The following MAST2 variants were observed in gnomAD, a reference collection of about 807,000 sequenced individuals.
MAST2 encodes the protein microtubule associated serine/threonine kinase 2, also known as microtubule-associated serine/threonine-protein kinase 2.
A neutral mutation model predicts 147.4 loss-of-function variants in MAST2; 70 were observed. The observed-to-expected ratio is 0.47, with a 90% CI of 0.39 to 0.58. The LOEUF (loss-of-function observed/expected upper bound fraction) is 0.58. Ranked by LOEUF, MAST2 falls within the 20% of genes least tolerant of loss-of-function variation. The probability of loss-of-function intolerance (pLI) is 0.00; values close to 1 mark genes in which losing one functional copy is unlikely to be tolerated. For missense variants in MAST2, 2,080 were observed against 2,302.3 expected, an observed-to-expected ratio of 0.90 and a Z score of 1.98; for synonymous variants, 869 against 896.8, an observed-to-expected ratio of 0.97 and a Z score of 0.55.
At chr1:45,846,171 A>T (rs1645428412) in intron 3 of MAST2, among the ~76,000 whole-genome samples, 1 of 152,164 alleles carries the variant, frequency 6.6e-6, no homozygotes, top group Non-Finnish European at 1.5e-5. Flanking sequence ...AATAATCTAT[A>T]ATCCACCAGT....
chr1:45,919,465 A>G (rs1318157890), intron 4 of MAST2, among the ~76,000 whole-genome samples: 3 of 152,222 alleles, frequency 2.0e-5, no homozygotes, highest in African/African-American at 7.2e-5. Flanking sequence ...GAGAATAGTA[A>G]CCTGAAAAAC....
chr1:45,890,415 G>T (rs1647552609), intron 4 of MAST2, among the ~76,000 whole-genome samples: 1 of 152,212 alleles, frequency 6.6e-6, no homozygotes, highest in Admixed American at 6.5e-5. Context: ...TTCCTGGCTT[G>T]CAGAGAGTGG....
intron 4 of MAST2, among the ~76,000 whole-genome samples, chr1:45,926,770 A>G (rs114989703): frequency 0.011 from 1,616 of 151,646 alleles, 12 homozygotes; most frequent in Middle Eastern, 0.027. Flanking sequence ...TTTTTCATTG[A>G]AAAGGTAAAA....
At chr1:46,002,521 G>A (rs1162237464) in intron 6 of MAST2, among the ~76,000 whole-genome samples, 1 of 152,216 alleles carries the variant, frequency 6.6e-6, no homozygotes, top group East Asian at 1.9e-4. Context: ...TTGAGAGTAT[G>A]AAAATATATA....
At chr1:45,806,676 C>T (rs1644151659) in intron 1 of MAST2, among the ~76,000 whole-genome samples, 1 of 152,224 alleles carries the variant, frequency 6.6e-6, no homozygotes, top group South Asian at 2.1e-4. Context: ...CTCCCGGATT[C>T]AAGCGATTCT....
At chr1:45,877,875 A>G (rs1646672338) in intron 3 of MAST2, among the ~76,000 whole-genome samples, 1 of 152,212 alleles carries the variant, frequency 6.6e-6, no homozygotes, top group Admixed American at 6.5e-5. Flanking sequence ...CATTAAAAAG[A>G]TATTAGCTAA....
chr1:45,883,029 A>G (rs950796898), intron 4 of MAST2, among the ~76,000 whole-genome samples: 1 of 152,182 alleles, frequency 6.6e-6, no homozygotes, highest in Non-Finnish European at 1.5e-5. Flanking sequence ...TAAAGTGCAG[A>G]GTGTGAACTT....
At chr1:46,016,120 C>G (rs965896876) in intron 10 of MAST2, among the ~76,000 whole-genome samples, 13 of 151,276 alleles carry the variant, frequency 8.6e-5, no homozygotes, top group East Asian at 7.8e-4. Flanking sequence ...TGACAAAATT[C>G]AACAACCCTT....
chr1:45,975,459 G>A (rs1247280417), intron 5 of MAST2, among the ~76,000 whole-genome samples: 1 of 126,104 alleles, frequency 7.9e-6, no homozygotes, highest in Non-Finnish European at 1.6e-5. Context: ...AGGAGTTTGA[G>A]ACTAGCCTAG....
intron 3 of MAST2, among the ~76,000 whole-genome samples, chr1:45,843,359 A>T (rs1645335231): frequency 6.6e-6 from 1 of 152,182 alleles, no homozygotes; most frequent in Non-Finnish European, 1.5e-5. Flanking sequence ...CTCCAAGGTC[A>T]TGATTTACTT....
At chr1:45,893,943 G>T (rs1270092381) in intron 4 of MAST2, among the ~76,000 whole-genome samples, 1 of 152,094 alleles carries the variant, frequency 6.6e-6, no homozygotes, top group Non-Finnish European at 1.5e-5. Flanking sequence ...ATAGTTTTTG[G>T]TATTAAAAAT....
At chr1:45,830,019 T>C (rs1236730953) in intron 3 of MAST2, among the ~76,000 whole-genome samples, 1 of 151,642 alleles carries the variant, frequency 6.6e-6, no homozygotes, top group Non-Finnish European at 1.5e-5. Context: ...CACCCCTGGC[T>C]AATTTTTTTG....
Position 45,824,434 on chromosome 1 carries a change from A to C in MAST2, c.179A>C (p.Asp60Ala), listed in dbSNP as rs766996781. 3 of 1,596,410 alleles carry C rather than the reference A, an allele frequency of 1.9e-6. No individual in the cohort carries two copies. The highest frequency in any genetic ancestry group is 2.3e-5 in the South Asian group (2 of 88,674). ...GPAGPEGKEQ[D>A]VVTGVSPLLF... is the part of the protein sequence containing the mutation. ...GTTTTACTCTTTTTCTCTTTGAAGG[A>C]TGTAGTAACTGGAGTTAGTCCCCTG... The change falls in exon 2 of 29, where the codon GAT becomes GCT. Residue 60 changes from aspartate to alanine, a missense_variant and splice_region_variant. Around this residue, in one of 4 missense-constraint regions of MAST2, gnomAD observed 569 missense variants for 642.5 expected, o/e 0.89. Transcript: ENST00000361297.
intron 4 of MAST2, among the ~76,000 whole-genome samples, chr1:45,957,641 TTTA>T (rs1478499474): frequency 6.6e-6 from 1 of 152,190 alleles, no homozygotes; most frequent in Non-Finnish European, 1.5e-5. Context: ...TTTTTTAATT[TTTA>T]TTTTCTGTAC....
intron 19 of MAST2, 76 bp downstream of exon 19, chr1:46,029,643 T>A: frequency 6.8e-7 from 1 of 1,467,742 alleles, no homozygotes; most frequent in East Asian, 2.3e-5. Flanking sequence ...CCCTGGAGGT[T>A]CAGGCTTCGG....
intron 5 of MAST2, among the ~76,000 whole-genome samples, chr1:45,979,429 G>GTTTTTT (rs10712066): frequency 7.0e-6 from 1 of 143,142 alleles, no homozygotes; most frequent in African/African-American, 2.5e-5. Flanking sequence ...CAGATTTTTT[G>GTTTTTT]TTTTTTTTTT....
intron 1 of MAST2, among the ~76,000 whole-genome samples, chr1:45,812,663 G>A (rs1362312690): frequency 1.3e-5 from 2 of 152,096 alleles, no homozygotes; most frequent in Non-Finnish European, 2.9e-5. Context: ...GACCTCAGGT[G>A]ATCCGTCCAC....
At chr1:45,985,853 T>A (rs1644592695) in intron 5 of MAST2, among the ~76,000 whole-genome samples, 2 of 152,266 alleles carry the variant, frequency 1.3e-5, no homozygotes, top group East Asian at 3.8e-4. Flanking sequence ...TGTTCCATAT[T>A]TTTATGCAAT....
chr1:45,947,873 C>A (rs1658313065), intron 4 of MAST2, among the ~76,000 whole-genome samples: 1 of 152,184 alleles, frequency 6.6e-6, no homozygotes, highest in African/African-American at 2.4e-5. Flanking sequence ...CCCGCCACCA[C>A]ACCCGGCTAA....
Sources: gnomAD v4.1 joint callset for allele counts (sites outside exome capture counted in the v4.1 genomes callset) on GRCh38, gnomAD v4.1.1 for gene constraint, gnomAD v4.1.1 regional missense constraint, MANE v1.5 for transcripts, NCBI Gene and HGNC (gene_info 2026-07-23, HGNC 2026-07-21) for gene names.